Variants in LRRC4C observed in about 807,000 individuals in gnomAD.
The protein encoded by LRRC4C is leucine rich repeat containing 4C.
A neutral mutation model predicts 33.6 loss-of-function variants in LRRC4C; 5 were observed. The ratio of observed to expected loss-of-function variants is 0.15; its 90% CI spans 0.08 to 0.31. The LOEUF (loss-of-function observed/expected upper bound fraction) is 0.31, where lower values mean the gene tolerates loss of function less well. LRRC4C is among the 10% of genes least tolerant of loss of function. The probability of loss-of-function intolerance (pLI) is 1.00; values close to 1 mark genes in which losing one functional copy is unlikely to be tolerated. For missense variants in LRRC4C, 560 were observed against 796.7 expected, an observed-to-expected ratio of 0.70 and a Z score of 3.58; for synonymous variants, 329 against 302.0, an observed-to-expected ratio of 1.09 and a Z score of -0.93.
At chr11:40,753,247 A>C (rs1363038499) in intron 2 of LRRC4C, among the ~76,000 whole-genome samples, 1 of 152,040 alleles carries the variant, frequency 6.6e-6, no homozygotes, top group Admixed American at 6.6e-5. Flanking sequence ...GGGTGACTAC[A>C]GTTAGCAATA....
intron 3 of LRRC4C, among the ~76,000 whole-genome samples, chr11:40,538,576 A>G (rs550507373): frequency 5.9e-5 from 9 of 152,222 alleles, no homozygotes; most frequent in South Asian, 4.1e-4. Context: ...TATTGTGAAT[A>G]GTGCCGCAAT....
At chr11:40,725,895 C>T (rs1947270744) in intron 2 of LRRC4C, among the ~76,000 whole-genome samples, 1 of 152,070 alleles carries the variant, frequency 6.6e-6, no homozygotes, top group South Asian at 2.1e-4. Context: ...TGTTTGGCCT[C>T]CTGTTAATTT....
At chr11:40,846,107 A>T (rs186587847) in intron 2 of LRRC4C, among the ~76,000 whole-genome samples, 90 of 150,472 alleles carry the variant, frequency 6.0e-4, no homozygotes, top group Non-Finnish European at 1.0e-3. Context: ...GATTGCAAAA[A>T]TTTTCTCCCA....
intron 5 of LRRC4C, among the ~76,000 whole-genome samples, chr11:40,171,704 A>AC (rs574419225): frequency 3.2e-4 from 48 of 151,486 alleles, no homozygotes; most frequent in African/African-American, 1.1e-3. Flanking sequence ...ATTTAATCCG[A>AC]CCCCCCCAAC....
At chr11:41,457,120 T>C (rs1489057566) in intron 1 of LRRC4C, among the ~76,000 whole-genome samples, 1 of 152,214 alleles carries the variant, frequency 6.6e-6, no homozygotes, top group Non-Finnish European at 1.5e-5. Flanking sequence ...TTGTTTTGTT[T>C]TGAGGTAGTA....
Position 40,115,531 on chromosome 11 carries a change from C to T in LRRC4C, c.762G>A (p.Gln254=). The T allele has an allele frequency of 6.2e-7, 1 of 1,614,216 alleles. No individual in the cohort carries two copies. The highest frequency in any genetic ancestry group is 1.7e-4 in the Middle Eastern group (1 of 6,060). ...AGGCATTCCGTTCAATCACTTGAAT[C>T]TGGGACTGTATCATCCACAGTTTTT... ...HLQKLWMIQS[Q]IQVIERNAFD... Residue 254 remains glutamine, a synonymous_variant, in exon 7 of 7, where the codon CAG becomes CAA. Transcript: ENST00000528697. This position sits in a 1 kb window ranked among gnomAD's most constrained non-coding sequence, Gnocchi z 6.7.
At chr11:40,779,789 C>T (rs1238550627) in intron 2 of LRRC4C, among the ~76,000 whole-genome samples, 1 of 152,152 alleles carries the variant, frequency 6.6e-6, no homozygotes, top group Non-Finnish European at 1.5e-5. Context: ...CGTTTACACA[C>T]AGACCATGAT....
intron 3 of LRRC4C, among the ~76,000 whole-genome samples, chr11:40,339,646 A>C (rs1472042744): frequency 6.6e-6 from 1 of 152,162 alleles, no homozygotes; most frequent in Non-Finnish European, 1.5e-5. Context: ...TCCCAGTATA[A>C]ACAAGGTCAC....
intron 1 of LRRC4C, among the ~76,000 whole-genome samples, chr11:41,362,555 A>G (rs2922046): frequency 0.98 from 149,220 of 152,196 alleles, 73,215 homozygotes; most frequent in Middle Eastern, 1. Flanking sequence ...GGGTCCAGGG[A>G]GTTCCTACTT....
intron 3 of LRRC4C, among the ~76,000 whole-genome samples, chr11:40,471,682 C>CAAAAAA (rs3041120): frequency 1.5e-5 from 2 of 130,984 alleles, no homozygotes. Flanking sequence ...AATGGAAAGC[C>CAAAAAA]AAAAAAAAAA....
chr11:41,183,443 G>A (rs1945544741), intron 1 of LRRC4C, among the ~76,000 whole-genome samples: 1 of 152,080 alleles, frequency 6.6e-6, no homozygotes, highest in African/African-American at 2.4e-5. Flanking sequence ...GGGGCTACAG[G>A]CCCCAGGGAA....
intron 1 of LRRC4C, among the ~76,000 whole-genome samples, chr11:41,046,856 A>G (rs916284372): frequency 3.3e-5 from 5 of 152,182 alleles, no homozygotes; most frequent in Non-Finnish European, 7.4e-5. Flanking sequence ...ACAATATGAC[A>G]GCTATTGACT....
At chr11:40,870,694 C>G (rs1954592550) in intron 2 of LRRC4C, among the ~76,000 whole-genome samples, 1 of 152,108 alleles carries the variant, frequency 6.6e-6, no homozygotes, top group Non-Finnish European at 1.5e-5. Context: ...CTCTTAATCC[C>G]ATCACCTTCC....
At chr11:40,835,446 A>T (rs1169249716) in intron 2 of LRRC4C, among the ~76,000 whole-genome samples, 1 of 152,186 alleles carries the variant, frequency 6.6e-6, no homozygotes, top group East Asian at 1.9e-4. Flanking sequence ...TACTCCTTTG[A>T]TTAAAGCATC....
At chr11:40,379,589 T>C (rs1038544034) in intron 3 of LRRC4C, among the ~76,000 whole-genome samples, 8 of 152,298 alleles carry the variant, frequency 5.3e-5, no homozygotes, top group African/African-American at 1.7e-4. Flanking sequence ...GTTAGGAATA[T>C]TGGAGAAGAA....
chr11:41,027,090 T>C (rs1856428059), intron 1 of LRRC4C, among the ~76,000 whole-genome samples: 1 of 151,668 alleles, frequency 6.6e-6, no homozygotes, highest in South Asian at 2.1e-4. Context: ...AAAATAATAA[T>C]GTAGCAAGTG....
At chr11:40,361,690 G>A (rs911323088) in intron 3 of LRRC4C, among the ~76,000 whole-genome samples, 3 of 152,172 alleles carry the variant, frequency 2.0e-5, no homozygotes, top group African/African-American at 4.8e-5. Flanking sequence ...GCAATTTATA[G>A]CATCAATGCT....
chr11:40,662,243 C>A (rs925468760), intron 2 of LRRC4C, among the ~76,000 whole-genome samples: 4 of 152,164 alleles, frequency 2.6e-5, no homozygotes, highest in African/African-American at 9.7e-5. Context: ...GTGGCCAGAT[C>A]ACTTCCTGAA....
At chr11:40,710,461 G>C (rs1277116543) in intron 2 of LRRC4C, among the ~76,000 whole-genome samples, 1 of 151,814 alleles carries the variant, frequency 6.6e-6, no homozygotes, top group East Asian at 1.9e-4. Flanking sequence ...TCAGCTGCAG[G>C]TCTGTCGGAG....
Sources: allele counts gnomAD v4.1 joint callset (sites outside exome capture counted in the v4.1 genomes callset), GRCh38; gene constraint gnomAD v4.1.1; non-coding constraint Gnocchi (gnomAD v3.1); transcripts MANE v1.5; gene names NCBI Gene and HGNC (gene_info 2026-07-23, HGNC 2026-07-21).